The following TMEM167A variants were observed in gnomAD, a reference collection of about 807,000 sequenced individuals.
TMEM167A encodes the protein protein kish-A.
In TMEM167A, 8 loss-of-function variants were observed where a neutral mutation model predicts 11.6. The ratio of observed to expected loss-of-function variants is 0.69; its 90% CI spans 0.40 to 1.24. The LOEUF is 1.24. Ranked by LOEUF, TMEM167A falls within the 50% of genes most tolerant of loss-of-function variation. The probability of loss-of-function intolerance (pLI) is 0.01; values close to 1 mark genes in which losing one functional copy is unlikely to be tolerated. For synonymous variants in TMEM167A, 22 were observed against 28.0 expected (o/e 0.79, Z 0.67); for missense variants, 62 against 87.0 (o/e 0.71, Z 1.14).
intron 1 of TMEM167A, 78 bp from the exon 2 acceptor site, chr5:83,065,195 T>C (rs913137387): frequency 1.1e-6 from 1 of 878,248 alleles, no homozygotes; most frequent in Non-Finnish European, 1.8e-6. Flanking sequence ...ATTCCACATT[T>C]AGAGTCATGT....
rs1226080458 is a variant in TMEM167A at position 83,055,395 on chromosome 5, C to T, written c.*1689G>A. ...AAATTAGAGCCAGAAAGGTGACTTA[C>T]TCAGCATGCATACACTGACAAGAAT... is the stretch of plus-strand genomic sequence containing the variant. On this transcript the variant is annotated 3_prime_UTR_variant, in exon 4 of 4. Coordinates refer to ENST00000502346, the MANE Select transcript of TMEM167A (RefSeq NM_174909.5). The T allele has an allele frequency of 6.6e-6, 1 of 151,960 alleles. No homozygotes were observed. Among genetic ancestry groups the T allele is most frequent in the African/African-American group, 2.4e-5 (1 of 41,404 alleles). The allele number at this position is 151,960 out of a possible 1,614,324, so 9.4% of individuals were successfully genotyped here.
intron 3 of TMEM167A, among the ~76,000 whole-genome samples, chr5:83,060,666 C>T (rs1170970485): frequency 6.6e-6 from 1 of 151,802 alleles, no homozygotes; most frequent in African/African-American, 2.4e-5. Flanking sequence ...CCTGTCTCTA[C>T]TAAAAATACA....
At chr5:83,068,099 T>G (rs1744509871) in intron 1 of TMEM167A, among the ~76,000 whole-genome samples, 3 of 151,308 alleles carry the variant, frequency 2.0e-5, no homozygotes, top group Non-Finnish European at 4.4e-5. Flanking sequence ...TCACAATGCT[T>G]ATCTTTCAAA....
chr5:83,074,761 G>C (rs1580179547), intron 1 of TMEM167A, among the ~76,000 whole-genome samples: 1 of 145,422 alleles, frequency 6.9e-6, no homozygotes, highest in Non-Finnish European at 1.5e-5. Context: ...GAGCATGTTT[G>C]TATCCCCAGA....
At chr5:83,064,967 T>C in intron 2 of TMEM167A, 41 bp downstream of exon 2, 1 of 1,170,406 alleles carries the variant, frequency 8.5e-7, no homozygotes. Flanking sequence ...TGAACATTTG[T>C]AAGAACTAAT....
At chr5:83,065,902 C>A (rs1744474841) in intron 1 of TMEM167A, among the ~76,000 whole-genome samples, 1 of 152,084 alleles carries the variant, frequency 6.6e-6, no homozygotes, top group Non-Finnish European at 1.5e-5. Flanking sequence ...TTATTCTATT[C>A]AAAATTCAGC....
chr5:83,068,078 A>T (rs2112245975), intron 1 of TMEM167A, among the ~76,000 whole-genome samples: 1 of 152,322 alleles, frequency 6.6e-6, no homozygotes, highest in South Asian at 2.1e-4. Context: ...GTAGATAAAA[A>T]GCATGGTATC....
chr5:83,068,584 G>A (rs765631418), intron 1 of TMEM167A, among the ~76,000 whole-genome samples: 2 of 151,998 alleles, frequency 1.3e-5, no homozygotes, highest in Admixed American at 6.6e-5. Flanking sequence ...AGCAGGAACG[G>A]AGTCAAACCT....
At chr5:83,063,847 T>C (rs1385621730) in intron 2 of TMEM167A, among the ~76,000 whole-genome samples, 1 of 152,084 alleles carries the variant, frequency 6.6e-6, no homozygotes, top group Non-Finnish European at 1.5e-5. Flanking sequence ...TGTAGTAATC[T>C]TTTTTTCTGC....
intron 2 of TMEM167A, among the ~76,000 whole-genome samples, chr5:83,064,772 C>A (rs1254754334): frequency 3.3e-5 from 5 of 152,012 alleles, no homozygotes; most frequent in Admixed American, 3.3e-4. Flanking sequence ...TAGGTTAAAT[C>A]CCTCATGCGA....
At chr5:83,070,534 A>T (rs1744544783) in intron 1 of TMEM167A, among the ~76,000 whole-genome samples, 1 of 152,180 alleles carries the variant, frequency 6.6e-6, no homozygotes, top group African/African-American at 2.4e-5. Context: ...ACATTTGGTT[A>T]GGTGTTTTGA....
intron 1 of TMEM167A, 37 bp downstream of exon 1, chr5:83,077,284 C>G: frequency 6.2e-7 from 1 of 1,614,192 alleles, no homozygotes; most frequent in Non-Finnish European, 8.5e-7. Context: ...AACCCCTTCT[C>G]GAAGATCAAC....
At chr5:83,062,691 C>T (rs1187510033) in intron 2 of TMEM167A, among the ~76,000 whole-genome samples, 1 of 151,696 alleles carries the variant, frequency 6.6e-6, no homozygotes, top group African/African-American at 2.4e-5. Flanking sequence ...TAAAAAATAA[C>T]ACTAAGGACA....
Position 83,059,719 on chromosome 5 carries a change from TTTCTGTAAATCTAGAGCAGCCC to T in TMEM167A, c.148+2136_148+2157del, listed in dbSNP as rs550424068. Among the ~76,000 whole-genome samples, 7 of 152,208 alleles carry T rather than the reference TTTCTGTAAATCTAGAGCAGCCC, an allele frequency of 4.6e-5. No homozygotes were observed. The South Asian group carries it at 1.5e-3, about 32-fold the overall frequency. ...GTGCCAGATAAGTCTGCACCATAAA[TTTCTGTAAATCTAGAGCAGCCC>T]TTCTCACTCCAGTACTATGGACATT... is the stretch of plus-strand genomic sequence containing the variant. On this transcript the variant is annotated intron_variant, in intron 3 of 3. Coordinates refer to ENST00000502346, the MANE Select transcript of TMEM167A (RefSeq NM_174909.5).
chr5:83,061,908 C>A lies in TMEM167A; in HGVS notation c.117G>T (p.Leu39Phe), dbSNP rs1004479373. ...PSLLDRNKTGLLGIFWKCARI... is the reference protein window; with the variant it reads ...PSLLDRNKTGFLGIFWKCARI... ...TGGCACACTTCCAAAATATACCCAACAATCTGCATAGAATAAAAAAAGAAA... is the reference window on the plus strand; with the variant it reads ...TGGCACACTTCCAAAATATACCCAAAAATCTGCATAGAATAAAAAAAGAAA... Residue 39 changes from leucine to phenylalanine, a missense_variant, in exon 3 of 4, where the codon TTG (leucine) becomes TTT (phenylalanine). By Grantham distance (22) the Leu-to-Phe change is conservative. Coordinates refer to ENST00000502346, the MANE Select transcript of TMEM167A (RefSeq NM_174909.5). The A allele has an allele frequency of 3.7e-6, 6 of 1,612,356 alleles. No individual in the cohort carries two copies. The highest frequency in any genetic ancestry group is 5.1e-6 in the Non-Finnish European group (6 of 1,178,758).
chr5:83,076,554 T>C (rs1744668628), intron 1 of TMEM167A, among the ~76,000 whole-genome samples: 2 of 152,242 alleles, frequency 1.3e-5, no homozygotes, highest in African/African-American at 4.8e-5. Context: ...TATTGCTATA[T>C]GGGATTCTGC....
intron 1 of TMEM167A, among the ~76,000 whole-genome samples, chr5:83,065,510 T>G (rs906742505): frequency 6.6e-6 from 1 of 152,124 alleles, no homozygotes; most frequent in African/African-American, 2.4e-5. Context: ...CACCTGTACT[T>G]TCACTGTTGG....
In TMEM167A at chr5:83,054,404, A is replaced by C. The variant is rs972996649; in HGVS notation, c.*2680T>G. ...CAGAACTAAACATCAGCACACAAAA[A>C]ATACCAGGATAGATGGAATCAAAAG... On this transcript the variant is annotated 3_prime_UTR_variant, in exon 4 of 4. Transcript: ENST00000502346. 1 of 151,992 alleles carries C rather than the reference A, an allele frequency of 6.6e-6. No individual in the cohort carries two copies. Among genetic ancestry groups the C allele is most frequent in the African/African-American group, 2.4e-5 (1 of 41,420 alleles). 9.4% of individuals were successfully genotyped at this position (151,992 alleles called of 1,614,324 possible).
intron 1 of TMEM167A, among the ~76,000 whole-genome samples, chr5:83,074,368 T>C (rs984693295): frequency 1.3e-5 from 2 of 152,184 alleles, no homozygotes; most frequent in Non-Finnish European, 2.9e-5. Context: ...CTTGGGGACA[T>C]CTCTCAAGCA....
Sources: allele counts gnomAD v4.1 joint callset (sites outside exome capture counted in the v4.1 genomes callset), GRCh38; gene constraint gnomAD v4.1.1; transcripts MANE v1.5; gene names NCBI Gene and HGNC (gene_info 2026-07-23, HGNC 2026-07-21).